DPP6: variants seen among roughly 807,000 people sequenced by gnomAD.
DPP6 encodes the protein A-type potassium channel modulatory protein DPP6.
Under a neutral mutation model 122.6 loss-of-function variants are expected in DPP6, and 69 were observed. That is an observed-to-expected ratio of 0.56 (90% CI 0.46 to 0.69). DPP6 has a LOEUF of 0.69. Among genes scored for constraint, DPP6 ranks in the 30% least tolerant of loss-of-function variants. DPP6 has a pLI of 0.00. For synonymous variants in DPP6, 418 were observed against 433.1 expected (o/e 0.97, Z 0.43); for missense variants, 928 against 1,116.9 (o/e 0.83, Z 2.41).
intron 1 of DPP6, among the ~76,000 whole-genome samples, chr7:153,980,776 A>G (rs1271053092): frequency 1.3e-5 from 2 of 152,096 alleles, no homozygotes; most frequent in African/African-American, 2.4e-5. Flanking sequence ...CAAAGAACTT[A>G]CTTATTTCTG....
At chr7:154,189,175 C>G (rs962045811) in intron 1 of DPP6, among the ~76,000 whole-genome samples, 1 of 152,170 alleles carries the variant, frequency 6.6e-6, no homozygotes, top group Non-Finnish European at 1.5e-5. Flanking sequence ...AAGATGAGAT[C>G]GTGATACCTT....
At chr7:154,862,274 A>C (rs556288375) in intron 17 of DPP6, among the ~76,000 whole-genome samples, 1 of 152,230 alleles carries the variant, frequency 6.6e-6, no homozygotes, top group Non-Finnish European at 1.5e-5. Flanking sequence ...CCTTGGAGCG[A>C]ATCAGGCATG....
intron 8 of DPP6, among the ~76,000 whole-genome samples, chr7:154,729,553 A>G (rs563119862): frequency 7.9e-5 from 12 of 152,244 alleles, no homozygotes; most frequent in Non-Finnish European, 1.5e-4. Flanking sequence ...ATATAGCCCC[A>G]GTCAAGACAT....
chr7:154,837,100 CCT>C (rs1404443065), intron 16 of DPP6, among the ~76,000 whole-genome samples: 1 of 152,188 alleles, frequency 6.6e-6, no homozygotes. Context: ...TATTCACACA[CCT>C]GCATGCACAC....
At chr7:154,580,771 C>A (rs1832011143) in intron 5 of DPP6, among the ~76,000 whole-genome samples, 1 of 152,190 alleles carries the variant, frequency 6.6e-6, no homozygotes, top group Non-Finnish European at 1.5e-5. Flanking sequence ...TGGGGAGAAC[C>A]TTCCCGGTGC....
intron 7 of DPP6, among the ~76,000 whole-genome samples, chr7:154,678,883 C>A (rs961259485): frequency 6.6e-6 from 1 of 152,114 alleles, no homozygotes; most frequent in African/African-American, 2.4e-5. Flanking sequence ...TTGTAGGGCT[C>A]ATGGTGGAGA....
At chr7:154,137,372 T>C (rs992685343) in intron 1 of DPP6, among the ~76,000 whole-genome samples, 1 of 151,842 alleles carries the variant, frequency 6.6e-6, no homozygotes, top group African/African-American at 2.4e-5. Context: ...AGTTAGACCA[T>C]TTGAGTCACC....
At chr7:153,778,453 CAATG>C in the DPP6 span, among the ~76,000 whole-genome samples, 860 of 151,402 alleles carry the variant, frequency 5.7e-3, 8 homozygotes, top group African/African-American at 0.02. Context: ...CACCCCACAA[CAATG>C]AATGTACCTC....
At chr7:153,934,707 T>TG (rs1801344917) in intron 1 of DPP6, among the ~76,000 whole-genome samples, 1 of 152,136 alleles carries the variant, frequency 6.6e-6, no homozygotes, top group Non-Finnish European at 1.5e-5. Flanking sequence ...GGAGAGTTTC[T>TG]AGGACCACAG....
At chr7:154,009,624 A>C (rs574408298) in intron 1 of DPP6, among the ~76,000 whole-genome samples, 97 of 152,044 alleles carry the variant, frequency 6.4e-4, no homozygotes, top group Middle Eastern at 6.8e-3. Flanking sequence ...GCTCACATTC[A>C]GTAATTAGAT....
At chr7:153,905,851 A>G (rs1459026422) in intron 1 of DPP6, among the ~76,000 whole-genome samples, 2 of 152,314 alleles carry the variant, frequency 1.3e-5, no homozygotes, top group African/African-American at 4.8e-5. Context: ...TGCTTTGAAA[A>G]GTGGAGACTG....
intron 16 of DPP6, among the ~76,000 whole-genome samples, chr7:154,812,596 G>C (rs1052395573): frequency 1.3e-5 from 2 of 151,948 alleles, no homozygotes; most frequent in Non-Finnish European, 2.9e-5. Flanking sequence ...CATTATAAGT[G>C]CACTAATGCC....
intron 5 of DPP6, among the ~76,000 whole-genome samples, chr7:154,583,742 G>A (rs1052526815): frequency 2.6e-5 from 4 of 152,126 alleles, no homozygotes; most frequent in African/African-American, 9.7e-5. Flanking sequence ...CAAGGCTCCC[G>A]CATCACATCT....
intron 16 of DPP6, among the ~76,000 whole-genome samples, chr7:154,808,389 G>T (rs577157238): frequency 2.6e-5 from 4 of 152,120 alleles, no homozygotes; most frequent in Non-Finnish European, 5.9e-5. Flanking sequence ...GGAGGGATGA[G>T]GGGGGTGCGA....
intron 1 of DPP6, among the ~76,000 whole-genome samples, chr7:154,335,881 G>A (rs567635898): frequency 2.0e-5 from 3 of 152,174 alleles, no homozygotes; most frequent in South Asian, 2.1e-4. Context: ...TGTCTCAAGC[G>A]GCTAGGGCGG....
At chr7:154,294,058 G>A (rs1459340774) in intron 1 of DPP6, among the ~76,000 whole-genome samples, 1 of 152,088 alleles carries the variant, frequency 6.6e-6, no homozygotes, top group Non-Finnish European at 1.5e-5. Flanking sequence ...TAGCCAGTAA[G>A]CGAAAGGACC....
the DPP6 span, among the ~76,000 whole-genome samples, chr7:153,764,548 G>T: frequency 6.6e-6 from 1 of 151,914 alleles, no homozygotes; most frequent in Non-Finnish European, 1.5e-5. Flanking sequence ...ATCTGGTGAT[G>T]GGTCTCTCTG....
chr7:154,735,367 T>C (rs1842525878), intron 8 of DPP6, among the ~76,000 whole-genome samples: 1 of 152,236 alleles, frequency 6.6e-6, no homozygotes, highest in South Asian at 2.1e-4. Flanking sequence ...AAAAAAATTA[T>C]ATTCCACTTC....
intron 7 of DPP6, among the ~76,000 whole-genome samples, chr7:154,700,885 C>T (rs942390745): frequency 7.2e-5 from 11 of 152,198 alleles, no homozygotes; most frequent in African/African-American, 2.7e-4. Flanking sequence ...ACACAGACCT[C>T]ATCTGTCCAG....
Sources: gnomAD v4.1 joint callset for allele counts (sites outside exome capture counted in the v4.1 genomes callset) on GRCh38, gnomAD v4.1.1 for gene constraint, MANE v1.5 for transcripts, NCBI Gene and HGNC (gene_info 2026-07-23, HGNC 2026-07-21) for gene names.